GPHN: variants seen among roughly 807,000 people sequenced by gnomAD.
GPHN encodes the protein gephyrin.
GPHN carries 17 observed loss-of-function variants against 95.5 expected under a neutral mutation model. That is an observed-to-expected ratio of 0.18 (90% CI 0.12 to 0.27). The LOEUF (loss-of-function observed/expected upper bound fraction) is 0.27. GPHN is among the 10% of genes least tolerant of loss of function. The pLI is 1.00. For missense variants in GPHN, 660 were observed against 978.1 expected, an observed-to-expected ratio of 0.67 and a Z score of 4.34; for synonymous variants, 320 against 322.5, an observed-to-expected ratio of 0.99 and a Z score of 0.08.
the GPHN span, chr14:67,349,232 T>C: frequency 1.1e-6 from 1 of 918,266 alleles, no homozygotes. Context: ...TTTTGATAAC[T>C]GTCCTTTTTC....
chr14:67,135,372 C>CA (rs1426679379), intron 17 of GPHN, among the ~76,000 whole-genome samples: 1 of 152,162 alleles, frequency 6.6e-6, no homozygotes, highest in Non-Finnish European at 1.5e-5. Flanking sequence ...TTTTCATTTA[C>CA]AGTCATTTTT....
the GPHN span, chr14:67,692,738 A>G: frequency 1.0e-6 from 1 of 973,978 alleles, no homozygotes; most frequent in Non-Finnish European, 1.5e-6. Flanking sequence ...CAAATAGGTA[A>G]AGAAAAATAA....
intron 2 of GPHN, among the ~76,000 whole-genome samples, chr14:66,713,758 T>C: frequency 6.6e-6 from 1 of 151,984 alleles, no homozygotes; most frequent in Non-Finnish European, 1.5e-5. Context: ...TTTTTTTTAT[T>C]TGTTTGTTTG....
the GPHN span, among the ~76,000 whole-genome samples, chr14:67,232,618 C>T: frequency 6.6e-6 from 1 of 152,196 alleles, no homozygotes; most frequent in Admixed American, 6.5e-5. Flanking sequence ...TAGATAAGAA[C>T]TTATGAAATG....
intron 1 of GPHN, among the ~76,000 whole-genome samples, chr14:66,598,527 C>G (rs2062080417): frequency 6.6e-6 from 1 of 152,024 alleles, no homozygotes; most frequent in South Asian, 2.1e-4. Context: ...CCACTTCTGT[C>G]CCTAAAAACT....
At chr14:67,194,211 T>C in the GPHN span, among the ~76,000 whole-genome samples, 1 of 150,350 alleles carries the variant, frequency 6.7e-6, no homozygotes, top group East Asian at 2.0e-4. Context: ...AAAAAATACA[T>C]AAATTAGCCA....
At chr14:66,571,468 G>T (rs1392059638) in intron 1 of GPHN, among the ~76,000 whole-genome samples, 1 of 152,072 alleles carries the variant, frequency 6.6e-6, no homozygotes, top group Non-Finnish European at 1.5e-5. Flanking sequence ...CATGTACCTT[G>T]CTGGGCAAAA....
chr14:66,699,677 G>GGGGT (rs1225250727), intron 2 of GPHN, among the ~76,000 whole-genome samples: 1 of 152,040 alleles, frequency 6.6e-6, no homozygotes, highest in African/African-American at 2.4e-5. Context: ...ATTACTTCCT[G>GGGGT]GCTCTTCAAC....
chr14:67,376,465 T>C, the GPHN span: 7 of 1,613,042 alleles, frequency 4.3e-6, no homozygotes, highest in African/African-American at 6.7e-5. Context: ...GTCATGTTGC[T>C]GAGGTGTTAG....
chr14:66,531,815 A>G (rs957150993), intron 1 of GPHN, among the ~76,000 whole-genome samples: 10 of 152,202 alleles, frequency 6.6e-5, no homozygotes, highest in African/African-American at 2.2e-4. Context: ...GTATTTTTAT[A>G]TTGAAACCCT....
At chr14:67,628,618 A>G in the GPHN span, among the ~76,000 whole-genome samples, 1 of 152,224 alleles carries the variant, frequency 6.6e-6, no homozygotes, top group African/African-American at 2.4e-5. Context: ...AACATTTACC[A>G]TCTTCTAGAC....
At chr14:66,666,736 C>T (rs563483433) in intron 1 of GPHN, among the ~76,000 whole-genome samples, 38 of 152,254 alleles carry the variant, frequency 2.5e-4, no homozygotes, top group Non-Finnish European at 4.1e-4. Flanking sequence ...AAGACAAGGA[C>T]GCCCTCTCTC....
At chr14:67,313,032 A>T in the GPHN span, among the ~76,000 whole-genome samples, 1 of 152,172 alleles carries the variant, frequency 6.6e-6, no homozygotes, top group East Asian at 1.9e-4. Context: ...TATGACATTA[A>T]TTGGAGCATC....
At chr14:67,590,210 G>GAAT in the GPHN span, 1 of 1,494,074 alleles carries the variant, frequency 6.7e-7, no homozygotes, top group Non-Finnish European at 9.0e-7. Flanking sequence ...GTCAAGGTGA[G>GAAT]AATATAAGGG....
At chr14:66,699,692 CCT>C (rs2068383941) in intron 2 of GPHN, among the ~76,000 whole-genome samples, 1 of 152,092 alleles carries the variant, frequency 6.6e-6, no homozygotes, top group Non-Finnish European at 1.5e-5. Context: ...TTCAACTTCA[CCT>C]CTCACTATTT....
chr14:67,404,830 A>C, the GPHN span, among the ~76,000 whole-genome samples: 1 of 152,126 alleles, frequency 6.6e-6, no homozygotes, highest in Non-Finnish European at 1.5e-5. Context: ...TATATAGTAC[A>C]TAAGTATTTC....
intron 11 of GPHN, among the ~76,000 whole-genome samples, chr14:67,080,198 G>T (rs2076636175): frequency 1.3e-5 from 2 of 151,572 alleles, no homozygotes; most frequent in Non-Finnish European, 2.9e-5. Context: ...ATTCTCATTG[G>T]CTATTTGTAT....
rs1216944844 is a variant in GPHN at position 67,110,203 on chromosome 14, G to A, written c.1357G>A (p.Gly453Ser). 2 of 1,612,512 alleles carry A rather than the reference G, an allele frequency of 1.2e-6. No homozygotes were observed. Among genetic ancestry groups the A allele is most frequent in the South Asian group, 1.1e-5 (1 of 91,050 alleles). ...RVTTGAPIPC[G>S]ADAVVQVEDT... Reference sequence around the variant, plus strand: ...TACAACAGGTGCTCCAATACCCTGCGGTGCTGATGCAGTAGTACAAGTGGA... The same window carrying A: ...TACAACAGGTGCTCCAATACCCTGCAGTGCTGATGCAGTAGTACAAGTGGA... The change falls in exon 14 of 23, where the codon GGT becomes AGT. Residue 453 changes from glycine to serine, a missense_variant. Physicochemically the swap from Gly to Ser is moderately conservative, Grantham distance 56. Transcript: ENST00000478722.
intron 1 of GPHN, among the ~76,000 whole-genome samples, chr14:66,549,903 G>A (rs950574461): frequency 6.6e-6 from 1 of 152,074 alleles, no homozygotes; most frequent in Admixed American, 6.5e-5. Flanking sequence ...ATTTGTTTAC[G>A]GCATGGTTTA....
Sources: allele counts gnomAD v4.1 joint callset (sites outside exome capture counted in the v4.1 genomes callset), GRCh38; gene constraint gnomAD v4.1.1; transcripts MANE v1.5; gene names NCBI Gene and HGNC (gene_info 2026-07-23, HGNC 2026-07-21).